Variants in LRIG1 observed in about 807,000 individuals in gnomAD.
LRIG1 encodes leucine-rich repeats and immunoglobulin-like domains protein 1.
A neutral mutation model predicts 99.2 loss-of-function variants in LRIG1; 48 were observed. That is an observed-to-expected ratio of 0.48 (90% confidence interval 0.38 to 0.62). The LOEUF is 0.62. Ranked by LOEUF, LRIG1 falls within the 20% of genes least tolerant of loss-of-function variation. The pLI is 0.00. For missense variants in LRIG1, 1,646 were observed against 1,434.4 expected (o/e 1.15, Z -2.38); for synonymous variants, 772 against 596.1 (o/e 1.29, Z -4.30).
intron 1 of LRIG1, among the ~76,000 whole-genome samples, chr3:66,473,950 C>T (rs763225520): frequency 4.6e-5 from 7 of 152,152 alleles, no homozygotes; most frequent in South Asian, 4.1e-4. Flanking sequence ...ACTAAGACGT[C>T]GTGAAACACT....
chr3:66,449,211 C>G (rs1453439205), intron 3 of LRIG1, among the ~76,000 whole-genome samples: 3 of 152,184 alleles, frequency 2.0e-5, no homozygotes, highest in Non-Finnish European at 4.4e-5. Flanking sequence ...ATCCAGCTGC[C>G]CAGATGTCAT....
intron 1 of LRIG1, among the ~76,000 whole-genome samples, chr3:66,464,036 T>C (rs62245383): frequency 0.014 from 2,185 of 152,320 alleles, 15 homozygotes; most frequent in African/African-American, 0.018. Flanking sequence ...GGGGTATTTG[T>C]TAATGGGTAC....
intron 12 of LRIG1, among the ~76,000 whole-genome samples, chr3:66,390,823 C>T (rs1701588522): frequency 6.6e-6 from 1 of 152,242 alleles, no homozygotes; most frequent in Non-Finnish European, 1.5e-5. Context: ...TATTGAACTT[C>T]ACCAAAATTA....
intron 11 of LRIG1, among the ~76,000 whole-genome samples, chr3:66,396,250 G>A (rs796704369): frequency 5.3e-4 from 80 of 152,284 alleles, no homozygotes; most frequent in African/African-American, 1.6e-3. Flanking sequence ...GGAGGGCCTG[G>A]GGCCAGGCAG....
intron 3 of LRIG1, among the ~76,000 whole-genome samples, chr3:66,419,646 A>T (rs1702741088): frequency 6.6e-6 from 1 of 152,134 alleles, no homozygotes; most frequent in African/African-American, 2.4e-5. Flanking sequence ...TCGCAGCCCA[A>T]GCTAACAAGT....
chr3:66,500,428 A>C lies in LRIG1; in HGVS notation c.-21T>G, dbSNP rs778085686. The C allele has an allele frequency of 3.5e-4, 471 of 1,349,278 alleles. No homozygotes were observed. The highest frequency in any genetic ancestry group is 4.2e-4 in the Non-Finnish European group (438 of 1,054,130). 83.6% of individuals were successfully genotyped at this position (1,349,278 alleles called of 1,614,324 possible). A position where few individuals can be genotyped will look rare whatever the true frequency, so the allele number is the denominator to read the frequency against. On this transcript the variant is annotated 5_prime_UTR_variant, in exon 1 of 19. Coordinates refer to ENST00000273261, the MANE Select transcript of LRIG1 (RefSeq NM_015541.3). Reference sequence around the variant, plus strand: ...GCCATCTTGTCTGGAGCGCGCTGCGAACTCCGGGCGCGGGGACTGTGAGGA... The same window carrying C: ...GCCATCTTGTCTGGAGCGCGCTGCGCACTCCGGGCGCGGGGACTGTGAGGA...
At chr3:66,422,096 C>T (rs902539895) in intron 3 of LRIG1, among the ~76,000 whole-genome samples, 4 of 152,178 alleles carry the variant, frequency 2.6e-5, no homozygotes, top group East Asian at 3.9e-4. Context: ...GCCTGCCCCA[C>T]GAAACCACTT....
Position 66,462,458 on chromosome 3 carries a change from G to A in LRIG1, c.270C>T (p.Asp90=). ...CTCACACTTCCTGTAGGTTCGGCAA[G>A]TCCTCAAAACCAGCAGGGTCAATCT... ...LSEIDPAGFE[D]LPNLQEVYLN... Residue 90 remains aspartate, a synonymous_variant, in exon 2 of 19, where the codon GAC becomes GAT. Transcript: ENST00000273261. 6.2e-7 allele frequency: 1 copy of A among 1,612,692 alleles called. No individual in the cohort carries two copies. The highest frequency in any genetic ancestry group is 8.5e-7 in the Non-Finnish European group (1 of 1,179,298).
intron 10 of LRIG1, 113 bp from the exon 11 acceptor site, chr3:66,398,296 T>TA (rs1174408513): frequency 1.1e-5 from 8 of 750,692 alleles, no homozygotes; most frequent in South Asian, 3.4e-5. Flanking sequence ...ACCTGTGTCC[T>TA]AACTACTATA....
chr3:66,443,316 AGGGGATGAGTGAGGGGCG>A (rs200860325), intron 3 of LRIG1, among the ~76,000 whole-genome samples: 19,399 of 57,504 alleles, frequency 0.34, 1,605 homozygotes, highest in Admixed American at 0.47. Context: ...TGTTGGGGGC[AGGGGATGAGTGAGGGGCG>A]GGGGATGAGT....
chr3:66,475,539 T>C (rs3845905), intron 1 of LRIG1, among the ~76,000 whole-genome samples: 121,794 of 152,088 alleles, frequency 0.8, 52,399 homozygotes, highest in Non-Finnish European at 0.96. Context: ...TCAAAGTAAA[T>C]AAAAGCTGTT....
intron 12 of LRIG1, among the ~76,000 whole-genome samples, chr3:66,391,747 G>T (rs1011429841): frequency 1.3e-5 from 2 of 152,146 alleles, no homozygotes; most frequent in African/African-American, 4.8e-5. Flanking sequence ...ATATTTTAAA[G>T]GGGTAAATTT....
At chr3:66,449,178 A>G (rs1703818887) in intron 3 of LRIG1, among the ~76,000 whole-genome samples, 1 of 152,238 alleles carries the variant, frequency 6.6e-6, no homozygotes, top group African/African-American at 2.4e-5. Flanking sequence ...GAAATACAGA[A>G]AAGGCATGAA....
intron 1 of LRIG1, among the ~76,000 whole-genome samples, chr3:66,490,044 A>C (rs546701677): frequency 1.7e-4 from 26 of 152,340 alleles, no homozygotes; most frequent in South Asian, 1.2e-3. Flanking sequence ...TAATGAAATG[A>C]ATATAATTTA....
At chr3:66,429,270 G>A (rs1262455910) in intron 3 of LRIG1, among the ~76,000 whole-genome samples, 4 of 152,132 alleles carry the variant, frequency 2.6e-5, no homozygotes, top group African/African-American at 9.7e-5. Context: ...GAAAGCCCCG[G>A]ATCCCTGAAA....
chr3:66,446,064 C>T (rs1048266989), intron 3 of LRIG1, among the ~76,000 whole-genome samples: 14 of 152,190 alleles, frequency 9.2e-5, no homozygotes, highest in African/African-American at 2.9e-4. Flanking sequence ...CACTTTAATG[C>T]GAACTGATCT....
At position 66,492,261 on chromosome 3, in the gene LRIG1, G is replaced by C. The variant is rs542363657; in HGVS notation, c.218+7929C>G. The stretch of plus-strand genomic sequence containing the variant: ...CAGGCTATCATCAAGTAGGTAATCC[G>C]GAAGAAAAGAAGTTCAGTGCAATGT... On this transcript the variant is annotated intron_variant, in intron 1 of 18. Transcript: ENST00000273261. Among the ~76,000 whole-genome samples, 46 of 152,236 alleles carry C rather than the reference G, an allele frequency of 3.0e-4. No individual in the cohort carries two copies. The South Asian group carries it at 8.7e-3, about 29-fold the overall frequency.
Position 66,394,058 on chromosome 3 carries a change from GT to G in LRIG1, c.1449del (p.Pro484GlnfsTer10), listed in dbSNP as rs1319696517. 2 of 1,613,990 alleles carry G rather than the reference GT, an allele frequency of 1.2e-6. No homozygotes were observed. The highest frequency in any genetic ancestry group is 1.7e-6 in the Non-Finnish European group (2 of 1,180,022). On this transcript the variant is annotated frameshift_variant, in exon 12 of 19. Transcript: ENST00000273261. LOFTEE classifies it high-confidence loss of function. ...SLKGQSIFSV[P>X]PESFVCDDFL... The stretch of plus-strand genomic sequence containing the variant: ...GTCTTACCGCACACGAAACTCTCTG[GT>G]GGCACAGAGAAAATGCTCTGACCCT...
intron 12 of LRIG1, chr3:66,387,172 C>A (rs1355696747): frequency 6.6e-6 from 1 of 151,212 alleles, no homozygotes; most frequent in African/African-American, 2.4e-5. Context: ...GGACAATACC[C>A]ATGGGGCAAA....
Sources: allele counts gnomAD v4.1 joint callset (sites outside exome capture counted in the v4.1 genomes callset), GRCh38; gene constraint gnomAD v4.1.1; transcripts MANE v1.5; gene names NCBI Gene and HGNC (gene_info 2026-07-23, HGNC 2026-07-21).